TMEM132C: variants seen among roughly 807,000 people sequenced by gnomAD.
The protein encoded by TMEM132C is protein phosphatase 1, regulatory subunit 152.
TMEM132C carries 29 observed loss-of-function variants against 61.4 expected under a neutral mutation model. The ratio of observed to expected loss-of-function variants is 0.47; its 90% confidence interval spans 0.35 to 0.64. The LOEUF is 0.64. Ranked by LOEUF, TMEM132C falls within the 30% of genes least tolerant of loss-of-function variation. The probability of loss-of-function intolerance (pLI) is 0.00; values close to 1 mark genes in which losing one functional copy is unlikely to be tolerated. For synonymous variants in TMEM132C, 656 were observed against 633.1 expected (o/e 1.04, Z -0.54); for missense variants, 1,408 against 1,476.9 (o/e 0.95, Z 0.76).
chr12:128,414,167 G>A (rs1868673494), intron 1 of TMEM132C, among the ~76,000 whole-genome samples: 1 of 152,050 alleles, frequency 6.6e-6, no homozygotes, highest in Admixed American at 6.5e-5. Flanking sequence ...TTGGAAGACT[G>A]CTTGACCCCA....
intron 1 of TMEM132C, among the ~76,000 whole-genome samples, chr12:128,301,886 A>G (rs560456005): frequency 1.3e-5 from 2 of 152,310 alleles, no homozygotes; most frequent in Admixed American, 1.3e-4. Context: ...CGGAAGGCAA[A>G]AGGCACATCT....
At chr12:128,618,363 G>A (rs1257996219) in intron 4 of TMEM132C, among the ~76,000 whole-genome samples, 1 of 152,194 alleles carries the variant, frequency 6.6e-6, no homozygotes, top group Non-Finnish European at 1.5e-5. Context: ...CTGTACTCTT[G>A]TCAGGATCCT....
rs191268862 is a variant in TMEM132C at position 128,642,033 on chromosome 12, T to G, written c.1305+25698T>G. ...CATGTTGGTCAGGCTGATCTCAAAC[T>G]CCTGACCTCAAGTGATCCACCTGCC... On this transcript the variant is annotated intron_variant, in intron 4 of 8. Transcript: ENST00000435159. Among the ~76,000 whole-genome samples the G allele has an allele frequency of 5.5e-3, 830 of 150,602 alleles. 8 individuals are homozygous for G. Among genetic ancestry groups the G allele is most frequent in the African/African-American group, 0.019 (779 of 40,958 alleles).
chr12:128,332,827 C>T (rs1872696236), intron 1 of TMEM132C, among the ~76,000 whole-genome samples: 1 of 150,944 alleles, frequency 6.6e-6, no homozygotes, highest in South Asian at 2.1e-4. Context: ...TATCTTTATT[C>T]TTCAAGGAGT....
intron 2 of TMEM132C, among the ~76,000 whole-genome samples, chr12:128,490,185 C>A: frequency 6.6e-6 from 1 of 152,182 alleles, no homozygotes. Flanking sequence ...GTTCCCTTCA[C>A]CGAGTGTGAA....
chr12:128,690,725 C>T (rs1297560622), intron 5 of TMEM132C, among the ~76,000 whole-genome samples: 2 of 152,148 alleles, frequency 1.3e-5, no homozygotes, highest in Non-Finnish European at 2.9e-5. Flanking sequence ...CTTTAATCAG[C>T]ATGTAAACAT....
At chr12:128,409,424 C>T (rs1483723903) in intron 1 of TMEM132C, among the ~76,000 whole-genome samples, 7 of 152,052 alleles carry the variant, frequency 4.6e-5, no homozygotes, top group Non-Finnish European at 8.8e-5. Context: ...CGGTCCATGG[C>T]GCACAGCGGG....
Position 128,681,817 on chromosome 12 carries a change from ATTTTTTT to A in TMEM132C, c.1450-11994_1450-11988del, listed in dbSNP as rs35154554. Among the ~76,000 whole-genome samples, 10 of 86,446 alleles carry A rather than the reference ATTTTTTT, an allele frequency of 1.2e-4. 1 individual carries two copies. The South Asian group carries it at 2.0e-3, about 17-fold the overall frequency. The allele number at this position is 86,446 out of a possible 152,430, so 56.7% of individuals were successfully genotyped here. ...TACAGGTGAGCGCTACCACGCCTGG[ATTTTTTT>A]TTTTTTTTTTTTTTTTTGTATTTTT... On this transcript the variant is annotated intron_variant, in intron 5 of 8. Coordinates refer to ENST00000435159, the MANE Select transcript of TMEM132C (RefSeq NM_001136103.3).
intron 1 of TMEM132C, among the ~76,000 whole-genome samples, chr12:128,371,824 A>G (rs1444599013): frequency 1.3e-5 from 2 of 152,094 alleles, no homozygotes; most frequent in Non-Finnish European, 2.9e-5. Flanking sequence ...GGTTATCCTC[A>G]CTTCTCAGCC....
intron 4 of TMEM132C, among the ~76,000 whole-genome samples, chr12:128,665,621 G>GCACACACACA (rs139344256): frequency 0.012 from 1,440 of 120,264 alleles, 32 homozygotes; most frequent in African/African-American, 0.043. Flanking sequence ...CCAAACACAG[G>GCACACACACA]CACACACACA....
At chr12:128,333,456 T>A (rs1565903962) in intron 1 of TMEM132C, among the ~76,000 whole-genome samples, 2 of 151,730 alleles carry the variant, frequency 1.3e-5, no homozygotes, top group Non-Finnish European at 2.9e-5. Context: ...TGTGTGAGCA[T>A]TGCTTGTATT....
intron 4 of TMEM132C, among the ~76,000 whole-genome samples, chr12:128,647,232 C>T (rs1480971013): frequency 3.7e-5 from 5 of 133,888 alleles, no homozygotes; most frequent in Non-Finnish European, 7.8e-5. Context: ...ATCCCATCAG[C>T]GTTGGATGTG....
chr12:128,323,786 G>A (rs566009096), intron 1 of TMEM132C, among the ~76,000 whole-genome samples: 3 of 152,198 alleles, frequency 2.0e-5, no homozygotes, highest in Admixed American at 6.5e-5. Context: ...GCTCAGCTGC[G>A]CTCAGGCTGG....
intron 2 of TMEM132C, among the ~76,000 whole-genome samples, chr12:128,507,773 GACTC>G (rs1375437753): frequency 6.6e-6 from 1 of 152,142 alleles, no homozygotes; most frequent in African/African-American, 2.4e-5. Flanking sequence ...AGGAGAAAGG[GACTC>G]ACTCCTCCAA....
At chr12:128,339,637 G>A (rs1383115877) in intron 1 of TMEM132C, among the ~76,000 whole-genome samples, 1 of 150,194 alleles carries the variant, frequency 6.7e-6, no homozygotes, top group Non-Finnish European at 1.5e-5. Context: ...ATTCACCCCT[G>A]GAAGGTCCCC....
chr12:128,623,781 C>T (rs1319283011), intron 4 of TMEM132C, among the ~76,000 whole-genome samples: 1 of 151,722 alleles, frequency 6.6e-6, no homozygotes, highest in African/African-American at 2.4e-5. Flanking sequence ...GCACTCCAGC[C>T]TTGGCGACAG....
Position 128,445,863 on chromosome 12 carries a change from G to A in TMEM132C, c.974+30243G>A, listed in dbSNP as rs529764909. Among the ~76,000 whole-genome samples the A allele has an allele frequency of 1.7e-4, 26 of 152,220 alleles. No homozygotes were observed. The South Asian group carries it at 3.5e-3, about 21-fold the overall frequency. ...TCTAGAATGCTCTATCTTCAGACAG[G>A]CAGCCAAGCCCCTGTTTGTAGAACA... On this transcript the variant is annotated intron_variant, in intron 2 of 8. Coordinates refer to ENST00000435159, the MANE Select transcript of TMEM132C (RefSeq NM_001136103.3).
chr12:128,660,265 G>A (rs190440192), intron 4 of TMEM132C, among the ~76,000 whole-genome samples: 2 of 152,298 alleles, frequency 1.3e-5, no homozygotes, highest in Non-Finnish European at 2.9e-5. Flanking sequence ...CCTCGTCCAG[G>A]TGGGCTGAGG....
chr12:128,463,770 G>C (rs901101764), intron 2 of TMEM132C, among the ~76,000 whole-genome samples: 39 of 152,174 alleles, frequency 2.6e-4, no homozygotes, highest in African/African-American at 9.4e-4. Context: ...TGTTGCTTCT[G>C]TGCCCCATTT....
Sources: gnomAD v4.1 joint callset for allele counts (sites outside exome capture counted in the v4.1 genomes callset) on GRCh38, gnomAD v4.1.1 for gene constraint, MANE v1.5 for transcripts, NCBI Gene and HGNC (gene_info 2026-07-23, HGNC 2026-07-21) for gene names.